The following FAM184A variants were observed in gnomAD, a reference collection of about 807,000 sequenced individuals.
FAM184A encodes family with sequence similarity 184 member A, also known as protein FAM184A.
Under a neutral mutation model 143.8 loss-of-function variants are expected in FAM184A, and 99 were observed. The ratio of observed to expected loss-of-function variants is 0.69; its 90% CI spans 0.58 to 0.81. The LOEUF (loss-of-function observed/expected upper bound fraction) is 0.81, where lower values mean the gene tolerates loss of function less well. FAM184A is among the 40% of genes least tolerant of loss of function. The pLI, the probability that FAM184A is intolerant of heterozygous loss-of-function variation, is 0.00. For missense variants in FAM184A, 1,217 were observed against 1,310.5 expected (o/e 0.93, Z 1.10); for synonymous variants, 427 against 446.4 (o/e 0.96, Z 0.55).
At chr6:119,142,655 A>G (rs1336222258) in intron 1 of FAM184A, among the ~76,000 whole-genome samples, 1 of 152,230 alleles carries the variant, frequency 6.6e-6, no homozygotes, top group African/African-American at 2.4e-5. Flanking sequence ...ACTCCTCTCC[A>G]GTACGAAGCC....
chr6:119,139,482 GA>G (rs1772136221), intron 1 of FAM184A, among the ~76,000 whole-genome samples: 1 of 152,066 alleles, frequency 6.6e-6, no homozygotes, highest in African/African-American at 2.4e-5. Flanking sequence ...CTCGTGGGGA[GA>G]AAAATTAGGC....
rs372066764 is a variant in FAM184A, at chr6:118,980,203, A to G, written c.2236T>C (p.Ser746Pro). ...GCAAGGACATGTGCTTCTTTTAATGATTTGTGTCTTTGCTGATGTTGCTCC... is the reference window on the plus strand; with the variant it reads ...GCAAGGACATGTGCTTCTTTTAATGGTTTGTGTCTTTGCTGATGTTGCTCC... ...LEEQHQQRHKSLKEAHVLAFQ... is the reference protein window; with the variant it reads ...LEEQHQQRHKPLKEAHVLAFQ... Residue 746 changes from serine to proline, a missense_variant, in exon 10 of 18, where the codon TCA becomes CCA. Coordinates refer to ENST00000338891, the MANE Select transcript of FAM184A (RefSeq NM_024581.6). The G allele has an allele frequency of 5.6e-6, 9 of 1,613,748 alleles. No individual in the cohort carries two copies. The African/African-American group carries it at 1.2e-4, about 22-fold the overall frequency.
At position 119,011,404 on chromosome 6, in the gene FAM184A, T is replaced by A. The variant is rs1421224455; in HGVS notation, c.1558A>T (p.Lys520Ter). Reference sequence around the variant, plus strand: ...TTTTTATCCTCTTCCAGGTTTAGTTTATCTTTGTTATGTTGTTCTTCCAAA... The same window carrying A: ...TTTTTATCCTCTTCCAGGTTTAGTTAATCTTTGTTATGTTGTTCTTCCAAA... Reference protein sequence around the residue: ...MDLEEQHNKDKLNLEEDKNQL... With the variant: ...MDLEEQHNKD The change falls in exon 6 of 18, where the codon AAA (lysine) becomes TAA (stop). Residue 520 changes from lysine (K) to a stop codon, truncating the protein, a stop_gained. Transcript: ENST00000338891. LOFTEE classifies it high-confidence loss of function. 6.4e-7 allele frequency: 1 copy of A among 1,559,502 alleles called. No homozygotes were observed. Among genetic ancestry groups the A allele is most frequent in the Non-Finnish European group, 8.7e-7 (1 of 1,147,410 alleles).
chr6:119,125,707 C>T (rs1054768844), intron 1 of FAM184A, among the ~76,000 whole-genome samples: 2 of 152,164 alleles, frequency 1.3e-5, no homozygotes, highest in Non-Finnish European at 2.9e-5. Context: ...TTTACATTCC[C>T]AGAAGAGTTG....
chr6:119,134,885 A>C (rs1229857128), intron 1 of FAM184A, among the ~76,000 whole-genome samples: 1 of 152,152 alleles, frequency 6.6e-6, no homozygotes, highest in Non-Finnish European at 1.5e-5. Flanking sequence ...CAATGGAAAC[A>C]CTATCCCCTG....
chr6:119,117,722 G>T (rs1369879518), intron 1 of FAM184A, among the ~76,000 whole-genome samples: 1 of 152,224 alleles, frequency 6.6e-6, no homozygotes. Flanking sequence ...CAAAGAGGTT[G>T]CTTCTCTAGT....
At chr6:119,025,470 T>C (rs763233117) in intron 1 of FAM184A, 1 of 519,062 alleles carries the variant, frequency 1.9e-6, no homozygotes, top group Non-Finnish European at 3.8e-6. Flanking sequence ...GTTTTACTCT[T>C]TGGCTAATTT....
At chr6:119,054,544 G>T (rs1490604536) in intron 1 of FAM184A, among the ~76,000 whole-genome samples, 3 of 152,090 alleles carry the variant, frequency 2.0e-5, no homozygotes, top group African/African-American at 4.8e-5. Context: ...CCTCCTCAAG[G>T]CCTCACCTCT....
At chr6:119,077,347 C>T (rs974041821) in intron 1 of FAM184A, among the ~76,000 whole-genome samples, 7 of 152,212 alleles carry the variant, frequency 4.6e-5, no homozygotes, top group Admixed American at 4.6e-4. Flanking sequence ...CCACAAATCA[C>T]TTCTTACCGA....
intron 1 of FAM184A, among the ~76,000 whole-genome samples, chr6:119,068,761 G>A (rs574526200): frequency 1.1e-4 from 16 of 152,100 alleles, no homozygotes; most frequent in African/African-American, 2.7e-4. Flanking sequence ...CCTTTTACCC[G>A]CTCTACCCCC....
intron 9 of FAM184A, among the ~76,000 whole-genome samples, chr6:118,984,468 G>A (rs1195524382): frequency 6.6e-6 from 1 of 151,850 alleles, no homozygotes; most frequent in African/African-American, 2.4e-5. Flanking sequence ...ATGAGCCACT[G>A]TGCCCAGCCT....
intron 13 of FAM184A, among the ~76,000 whole-genome samples, 168 bp from the exon 14 acceptor site, chr6:118,974,742 A>G (rs904477587): frequency 6.6e-6 from 1 of 152,204 alleles, no homozygotes; most frequent in African/African-American, 2.4e-5. Context: ...TGGCTTTGTT[A>G]AAGTTGTCTC....
At chr6:119,143,665 A>G (rs1772320381) in intron 1 of FAM184A, among the ~76,000 whole-genome samples, 1 of 152,232 alleles carries the variant, frequency 6.6e-6, no homozygotes, top group African/African-American at 2.4e-5. Flanking sequence ...CTACAGCTTA[A>G]ATGAACCTTT....
chr6:119,040,588 G>C (rs1184185148), intron 1 of FAM184A, among the ~76,000 whole-genome samples: 2 of 152,128 alleles, frequency 1.3e-5, no homozygotes, highest in South Asian at 2.1e-4. Context: ...CAAATGGTGG[G>C]GCTAAAGCCT....
At chr6:119,012,866 T>G (rs973216142) in intron 5 of FAM184A, among the ~76,000 whole-genome samples, 1 of 152,222 alleles carries the variant, frequency 6.6e-6, no homozygotes, top group African/African-American at 2.4e-5. Context: ...GTTTTCTGCA[T>G]GGGTTCTCTG....
intron 1 of FAM184A, among the ~76,000 whole-genome samples, chr6:119,072,949 C>G (rs140881007): frequency 1.3e-5 from 2 of 151,928 alleles, no homozygotes; most frequent in African/African-American, 2.4e-5. Context: ...ATCATTATGA[C>G]CACCATCTTC....
intron 1 of FAM184A, among the ~76,000 whole-genome samples, chr6:119,043,976 A>C (rs1323446402): frequency 6.6e-6 from 1 of 152,236 alleles, no homozygotes; most frequent in Non-Finnish European, 1.5e-5. Flanking sequence ...AATGAAACCC[A>C]AAACAGAAGG....
chr6:119,113,387 C>A (rs762137904), intron 1 of FAM184A, among the ~76,000 whole-genome samples: 6 of 152,014 alleles, frequency 3.9e-5, no homozygotes, highest in Non-Finnish European at 8.8e-5. Context: ...TTCTTAAGTC[C>A]CCATTATGAC....
chr6:118,966,898 T>G lies in FAM184A; in HGVS notation c.2970A>C (p.Ile990=), dbSNP rs1367391902. ...TGGCTTTTAATTCTGTAATCATCTG[T>G]ATATCTTCTGGTTTTGATTCTCTCA... is the stretch of plus-strand genomic sequence containing the variant. ...YLMRESKPED[I]QMITELKAML... Residue 990 remains isoleucine (I), a synonymous_variant, in exon 15 of 18, where the codon ATA becomes ATC. Transcript: ENST00000338891. 2.5e-6 allele frequency: 4 copies of G among 1,590,080 alleles called. No individual in the cohort carries two copies. Among genetic ancestry groups the G allele is most frequent in the Non-Finnish European group, 3.4e-6 (4 of 1,161,306 alleles).
Sources: gnomAD v4.1 joint callset for allele counts (sites outside exome capture counted in the v4.1 genomes callset) on GRCh38, gnomAD v4.1.1 for gene constraint, MANE v1.5 for transcripts, NCBI Gene and HGNC (gene_info 2026-07-23, HGNC 2026-07-21) for gene names.